The following TMEM233 variants were observed in gnomAD, a reference collection of about 807,000 sequenced individuals.
TMEM233 encodes the protein transmembrane protein 233.
TMEM233 carries 6 observed loss-of-function variants against 11.2 expected under a neutral mutation model. The observed-to-expected ratio is 0.54, with a 90% CI of 0.29 to 1.06. TMEM233 has a LOEUF of 1.06. TMEM233 is among the 50% of genes least tolerant of loss of function. TMEM233 has a pLI of 0.08. For missense variants in TMEM233, 127 were observed against 144.7 expected, an observed-to-expected ratio of 0.88 and a Z score of 0.63; for synonymous variants, 59 against 55.8, an observed-to-expected ratio of 1.06 and a Z score of -0.26.
chr12:119,629,517 C>G (rs1370022715), intron 1 of TMEM233, among the ~76,000 whole-genome samples: 3 of 152,178 alleles, frequency 2.0e-5, no homozygotes, highest in Non-Finnish European at 4.4e-5. Flanking sequence ...AGACAAAAGT[C>G]ATCAGGAAAT....
At chr12:119,637,910 C>T (rs1028625992) in intron 2 of TMEM233, among the ~76,000 whole-genome samples, 5 of 152,096 alleles carry the variant, frequency 3.3e-5, no homozygotes, top group African/African-American at 9.7e-5. Flanking sequence ...TGGCAGATTG[C>T]AACAATTAAA....
chr12:119,624,484 G>A (rs1954709684), intron 1 of TMEM233, among the ~76,000 whole-genome samples: 1 of 152,158 alleles, frequency 6.6e-6, no homozygotes. Flanking sequence ...CCCTACAATG[G>A]AGTATTGTTC....
At chr12:119,647,958 C>T (rs1181902183), downstream of TMEM233, among the ~76,000 whole-genome samples, 2 of 152,118 alleles carry the variant, frequency 1.3e-5, no homozygotes, top group Non-Finnish European at 2.9e-5. Flanking sequence ...CATCTTCTAC[C>T]TCGCCCCCAC....
At chr12:119,620,286 C>T (rs558217507) in intron 1 of TMEM233, among the ~76,000 whole-genome samples, 20 of 152,232 alleles carry the variant, frequency 1.3e-4, no homozygotes, top group African/African-American at 3.9e-4. Context: ...GCAATGATGT[C>T]AGGGAAAGAG....
chr12:119,632,809 A>C (rs1290206791), intron 2 of TMEM233, among the ~76,000 whole-genome samples: 4 of 152,220 alleles, frequency 2.6e-5, no homozygotes, highest in Admixed American at 2.6e-4. Context: ...ATGGTTAGCA[A>C]TTCACATTAC....
At chr12:119,605,173 C>G (rs1212759161) in intron 1 of TMEM233, among the ~76,000 whole-genome samples, 2 of 151,872 alleles carry the variant, frequency 1.3e-5, no homozygotes, top group Admixed American at 6.6e-5. Context: ...TTTAGTGTTT[C>G]TATTACTATT....
the TMEM233 span, among the ~76,000 whole-genome samples, chr12:119,649,683 G>C: frequency 6.6e-6 from 1 of 151,936 alleles, no homozygotes; most frequent in Non-Finnish European, 1.5e-5. Flanking sequence ...TTCTGATATG[G>C]AACTTTTCAA....
At position 119,640,849 on chromosome 12, in the gene TMEM233, T is replaced by TCAA; in HGVS notation, c.*144_*145insCAA. On this transcript the variant is annotated 3_prime_UTR_variant, in exon 3 of 3. Coordinates refer to ENST00000426426, the MANE Select transcript of TMEM233 (RefSeq NM_001136534.3). ...TCTCCAGAGGCAGGTCCCTGGCAAA[T>TCAA]GAACAAGAAAAAAAAAAAAAAAAAG... 8.9e-6 allele frequency: 5 copies of TCAA among 563,296 alleles called. No homozygotes were observed. The highest frequency in any genetic ancestry group is 3.7e-5 in the African/African-American group (1 of 26,766). 34.9% of individuals were successfully genotyped at this position (563,296 alleles called of 1,614,324 possible). A position where few individuals can be genotyped will look rare whatever the true frequency, so the allele number is the denominator to read the frequency against.
intron 1 of TMEM233, among the ~76,000 whole-genome samples, chr12:119,612,385 C>A (rs1377265501): frequency 6.6e-6 from 1 of 152,112 alleles, no homozygotes; most frequent in African/African-American, 2.4e-5. Flanking sequence ...GAGGCCAAGG[C>A]AGGTGGATTG....
At chr12:119,627,284 G>A (rs991786246) in intron 1 of TMEM233, among the ~76,000 whole-genome samples, 1 of 152,204 alleles carries the variant, frequency 6.6e-6, no homozygotes, top group Non-Finnish European at 1.5e-5. Context: ...TACATTCTCT[G>A]GACAGAGAGG....
downstream of TMEM233, among the ~76,000 whole-genome samples, chr12:119,645,867 T>C (rs115216919): frequency 5.9e-3 from 891 of 152,204 alleles, 7 homozygotes; most frequent in African/African-American, 0.02. Context: ...TGGAATCCCA[T>C]GCATGGGGAC....
intron 1 of TMEM233, among the ~76,000 whole-genome samples, chr12:119,599,976 G>A (rs1401422176): frequency 2.6e-5 from 4 of 152,078 alleles, no homozygotes; most frequent in South Asian, 4.1e-4. Flanking sequence ...GACAGAAATC[G>A]GAGAATTTCT....
chr12:119,613,640 C>T (rs999370839), intron 1 of TMEM233, among the ~76,000 whole-genome samples: 1 of 151,988 alleles, frequency 6.6e-6, no homozygotes. Context: ...ATAGCAAGAC[C>T]CTGTCTCTAC....
At chr12:119,616,215 G>A (rs2136722463) in intron 1 of TMEM233, among the ~76,000 whole-genome samples, 1 of 152,310 alleles carries the variant, frequency 6.6e-6, no homozygotes. Flanking sequence ...CCTAGGCCCA[G>A]AGCAAAGAGA....
intron 2 of TMEM233, chr12:119,631,101 T>C (rs960957641): frequency 6.6e-6 from 1 of 152,218 alleles, no homozygotes; most frequent in Non-Finnish European, 1.5e-5. Context: ...GACCCAGAAA[T>C]GACAAGTCCA....
chr12:119,629,942 G>C (rs1954845904), intron 2 of TMEM233, 70 bp downstream of exon 2: 2 of 1,468,098 alleles, frequency 1.4e-6, no homozygotes, highest in South Asian at 2.8e-5. Flanking sequence ...AATCTGTTAG[G>C]GTAGATTAGG....
intron 2 of TMEM233, among the ~76,000 whole-genome samples, chr12:119,634,071 G>A (rs1181591071): frequency 2.0e-5 from 3 of 152,194 alleles, no homozygotes; most frequent in Admixed American, 6.5e-5. Flanking sequence ...AAGAACGTGC[G>A]AATGGTGGCC....
intron 1 of TMEM233, among the ~76,000 whole-genome samples, chr12:119,602,655 G>C (rs1307501401): frequency 6.6e-6 from 1 of 152,162 alleles, no homozygotes. Flanking sequence ...CTGACATTTG[G>C]TATTTAGGAA....
At chr12:119,626,772 G>A (rs1322633510) in intron 1 of TMEM233, among the ~76,000 whole-genome samples, 1 of 152,124 alleles carries the variant, frequency 6.6e-6, no homozygotes. Context: ...GCCTGGCAGT[G>A]TACTATGTCC....
Sources: gnomAD v4.1 joint callset for allele counts (sites outside exome capture counted in the v4.1 genomes callset) on GRCh38, gnomAD v4.1.1 for gene constraint, MANE v1.5 for transcripts, NCBI Gene and HGNC (gene_info 2026-07-23, HGNC 2026-07-21) for gene names.